The following FRMD6 variants were observed in gnomAD, a reference collection of about 807,000 sequenced individuals.
The protein encoded by FRMD6 is FERM domain containing 6.
Under a neutral mutation model 73.2 loss-of-function variants are expected in FRMD6, and 37 were observed. The observed-to-expected ratio is 0.51, with a 90% CI of 0.39 to 0.66. The LOEUF is 0.66. FRMD6 is among the 30% of genes least tolerant of loss of function. The pLI is 0.00. For synonymous variants in FRMD6, 273 were observed against 282.2 expected (o/e 0.97, Z 0.33); for missense variants, 714 against 780.5 (o/e 0.91, Z 1.02).
chr14:51,579,773 C>T lies in FRMD6; in HGVS notation c.-147+9363C>T, dbSNP rs144858166. Among the ~76,000 whole-genome samples, 312 of 152,286 alleles carry T rather than the reference C, an allele frequency of 2.0e-3. 4 individuals carry two copies. The highest frequency in any genetic ancestry group is 6.8e-3 in the Middle Eastern group (2 of 294). On this transcript the variant is annotated intron_variant, in intron 2 of 14. Coordinates refer to the FRMD6 transcript ENST00000356218. ...TTCACCTGACCCTAGACCCCTCTCC[C>T]TTTGCAACTTGATCATTGATTTCCA... is the stretch of plus-strand genomic sequence containing the variant.
chr14:51,614,230 T>C (rs188665623), intron 2 of FRMD6, among the ~76,000 whole-genome samples: 1 of 151,580 alleles, frequency 6.6e-6, no homozygotes, highest in East Asian at 1.9e-4. Context: ...TGTTTTTTTG[T>C]TTTTTTTGCC....
At chr14:51,500,773 T>C (rs1883575611) in intron 1 of FRMD6, among the ~76,000 whole-genome samples, 2 of 152,008 alleles carry the variant, frequency 1.3e-5, no homozygotes, top group Non-Finnish European at 2.9e-5. Context: ...TGTGTGTGTG[T>C]ATATACACAC....
intron 2 of FRMD6, among the ~76,000 whole-genome samples, chr14:51,580,762 T>G (rs1034417693): frequency 1.3e-5 from 2 of 152,210 alleles, no homozygotes; most frequent in Non-Finnish European, 2.9e-5. Context: ...TAAAAGTATT[T>G]CTCAACGTGT....
At chr14:51,524,844 T>C (rs1885145447) in intron 1 of FRMD6, among the ~76,000 whole-genome samples, 1 of 152,194 alleles carries the variant, frequency 6.6e-6, no homozygotes, top group South Asian at 2.1e-4. Flanking sequence ...GCAGTCTATT[T>C]GTTTATCCAA....
the FRMD6 span, among the ~76,000 whole-genome samples, chr14:51,403,937 T>C: frequency 2.0e-5 from 3 of 152,258 alleles, no homozygotes; most frequent in Admixed American, 6.5e-5. Context: ...GGAGAGAAGA[T>C]GTGAACTTAC....
intron 1 of FRMD6, among the ~76,000 whole-genome samples, chr14:51,553,273 C>T (rs1177123019): frequency 1.3e-5 from 2 of 152,178 alleles, no homozygotes; most frequent in African/African-American, 4.8e-5. Flanking sequence ...GCTCATTGGT[C>T]ATTAAAATAC....
At chr14:51,609,417 T>C (rs926231574) in intron 2 of FRMD6, among the ~76,000 whole-genome samples, 1 of 152,146 alleles carries the variant, frequency 6.6e-6, no homozygotes, top group Admixed American at 6.5e-5. Context: ...AAGGGTGAAC[T>C]CCACAGACAT....
intron 1 of FRMD6, among the ~76,000 whole-genome samples, chr14:51,532,616 T>C (rs1053506766): frequency 1.3e-5 from 2 of 152,174 alleles, no homozygotes; most frequent in African/African-American, 4.8e-5. Flanking sequence ...ACACAAAACA[T>C]GACTTAAATT....
chr14:51,466,536 C>T, the FRMD6 span, among the ~76,000 whole-genome samples: 12 of 152,260 alleles, frequency 7.9e-5, no homozygotes, highest in South Asian at 1.4e-3. Flanking sequence ...ATCATTTTGG[C>T]ACTTTGTCAT....
intron 1 of FRMD6, among the ~76,000 whole-genome samples, chr14:51,489,831 C>T (rs1235475851): frequency 6.6e-6 from 1 of 152,140 alleles, no homozygotes; most frequent in Non-Finnish European, 1.5e-5. Flanking sequence ...AAGACCGGTC[C>T]CTTTGATGCA....
intron 1 of FRMD6, among the ~76,000 whole-genome samples, chr14:51,497,372 A>G (rs1883365814): frequency 6.6e-6 from 1 of 152,034 alleles, no homozygotes; most frequent in Admixed American, 6.6e-5. Flanking sequence ...CTGTTCTTCA[A>G]TCTGATACAA....
chr14:51,699,291 G>T (rs1051599757), intron 3 of FRMD6, among the ~76,000 whole-genome samples: 1 of 152,016 alleles, frequency 6.6e-6, no homozygotes, highest in African/African-American at 2.4e-5. Flanking sequence ...CAGTTGCTAA[G>T]CTCCATCCTT....
the FRMD6 span, among the ~76,000 whole-genome samples, chr14:51,403,987 T>G: frequency 6.6e-6 from 1 of 152,188 alleles, no homozygotes; most frequent in Non-Finnish European, 1.5e-5. Flanking sequence ...AAGTGCCAAA[T>G]TATTTTCCAA....
At chr14:51,654,218 T>G (rs1892647257) in intron 1 of FRMD6, among the ~76,000 whole-genome samples, 1 of 151,278 alleles carries the variant, frequency 6.6e-6, no homozygotes, top group Admixed American at 6.6e-5. Flanking sequence ...AGACGCTGCT[T>G]TTGAAAGCAA....
chr14:51,449,185 A>G, the FRMD6 span, among the ~76,000 whole-genome samples: 7 of 152,200 alleles, frequency 4.6e-5, no homozygotes, highest in Non-Finnish European at 8.8e-5. Context: ...AAAGATATGC[A>G]TGACTTCAGA....
chr14:51,540,070 A>G (rs182777156), intron 1 of FRMD6, among the ~76,000 whole-genome samples: 1 of 152,300 alleles, frequency 6.6e-6, no homozygotes. Context: ...TATAAATATC[A>G]GTGGCAATAG....
the FRMD6 span, among the ~76,000 whole-genome samples, chr14:51,479,184 G>GA: frequency 1.3e-5 from 2 of 151,896 alleles, no homozygotes; most frequent in Non-Finnish European, 2.9e-5. Flanking sequence ...GAGTAACTTA[G>GA]AAAAAAAATC....
At chr14:51,417,677 C>T in the FRMD6 span, among the ~76,000 whole-genome samples, 13 of 152,120 alleles carry the variant, frequency 8.5e-5, no homozygotes, top group Non-Finnish European at 1.5e-4. Context: ...CTCTGTATTT[C>T]CTGAATTTGA....
intron 2 of FRMD6, among the ~76,000 whole-genome samples, chr14:51,577,016 C>T (rs1888443036): frequency 6.6e-6 from 1 of 152,112 alleles, no homozygotes; most frequent in African/African-American, 2.4e-5. Context: ...TGGATCATGG[C>T]TTATGTTGGG....
Sources: allele counts gnomAD v4.1 joint callset (sites outside exome capture counted in the v4.1 genomes callset), GRCh38; gene constraint gnomAD v4.1.1; transcripts MANE v1.5; gene names NCBI Gene and HGNC (gene_info 2026-07-23, HGNC 2026-07-21).